The following NRG3 variants were observed in gnomAD, a reference collection of about 807,000 sequenced individuals.
The protein encoded by NRG3 is pro-neuregulin-3, membrane-bound isoform.
Under a neutral mutation model 66.9 loss-of-function variants are expected in NRG3, and 31 were observed. The ratio of observed to expected loss-of-function variants is 0.46; its 90% confidence interval spans 0.35 to 0.63. The LOEUF (loss-of-function observed/expected upper bound fraction) is 0.63. NRG3 is among the 20% of genes least tolerant of loss of function. The pLI is 0.00. For synonymous variants in NRG3, 393 were observed against 359.4 expected, an observed-to-expected ratio of 1.09 and a Z score of -1.06; for missense variants, 910 against 878.9, an observed-to-expected ratio of 1.04 and a Z score of -0.45.
At chr10:82,555,216 A>G (rs997243986) in intron 2 of NRG3, among the ~76,000 whole-genome samples, 3 of 152,150 alleles carry the variant, frequency 2.0e-5, no homozygotes, top group African/African-American at 7.2e-5. Flanking sequence ...CTGGTCTACA[A>G]TTATAATCAT....
chr10:82,193,641 T>C (rs139827838), intron 1 of NRG3, among the ~76,000 whole-genome samples: 5 of 152,240 alleles, frequency 3.3e-5, no homozygotes, highest in African/African-American at 1.2e-4. Flanking sequence ...TGGATTGCCA[T>C]TGCTGGTTGA....
At position 82,471,317 on chromosome 10, in the gene NRG3, C is replaced by A. The variant is rs772340929; in HGVS notation, c.953+112449C>A. Reference sequence around the variant, plus strand: ...CGGTCCGAACTTCCCACGGCTCCACCCCATTCTCCCAGTGTGCAGGCCTGT... The same window carrying A: ...CGGTCCGAACTTCCCACGGCTCCACACCATTCTCCCAGTGTGCAGGCCTGT... On this transcript the variant is annotated intron_variant, in intron 2 of 8. Coordinates refer to ENST00000372141, the MANE Select transcript of NRG3 (RefSeq NM_001010848.4). Among the ~76,000 whole-genome samples the A allele has an allele frequency of 2.6e-4, 40 of 152,216 alleles. 1 individual carries two copies. The highest frequency in any genetic ancestry group is 2.0e-3 in the Admixed American group (30 of 15,296).
At chr10:82,209,506 A>G (rs1341446799) in intron 1 of NRG3, among the ~76,000 whole-genome samples, 2 of 152,176 alleles carry the variant, frequency 1.3e-5, no homozygotes, top group Non-Finnish European at 2.9e-5. Context: ...TTTAATAACC[A>G]TCCCTATTTC....
chr10:82,051,614 A>T (rs764327574), intron 1 of NRG3, among the ~76,000 whole-genome samples: 1 of 152,158 alleles, frequency 6.6e-6, no homozygotes, highest in Non-Finnish European at 1.5e-5. Context: ...CTTGAAAAGA[A>T]TTATTTCAGT....
chr10:82,370,973 C>T (rs1295199033), intron 2 of NRG3, among the ~76,000 whole-genome samples: 1 of 151,968 alleles, frequency 6.6e-6, no homozygotes, highest in Non-Finnish European at 1.5e-5. Context: ...CACACACACA[C>T]ACATTCACAC....
chr10:82,183,641 A>C (rs1288923067), intron 1 of NRG3, among the ~76,000 whole-genome samples: 1 of 152,118 alleles, frequency 6.6e-6, no homozygotes, highest in Non-Finnish European at 1.5e-5. Flanking sequence ...TGTCTAATGC[A>C]GTGGTTCTCA....
intron 3 of NRG3, among the ~76,000 whole-genome samples, chr10:82,862,906 A>G (rs993693368): frequency 6.6e-5 from 10 of 152,108 alleles, no homozygotes; most frequent in South Asian, 2.1e-4. Context: ...GGTTTGTTAC[A>G]TAGGTATACA....
chr10:82,558,177 C>T (rs563996702), intron 2 of NRG3, among the ~76,000 whole-genome samples: 1 of 152,282 alleles, frequency 6.6e-6, no homozygotes, highest in East Asian at 1.9e-4. Context: ...TCGAGACTTT[C>T]ATGGTGGCTA....
chr10:82,638,419 G>A (rs1268454222), intron 2 of NRG3, among the ~76,000 whole-genome samples: 1 of 152,096 alleles, frequency 6.6e-6, no homozygotes, highest in Non-Finnish European at 1.5e-5. Context: ...GTGTCCCTGG[G>A]AATATTTTTG....
At chr10:81,961,839 A>G (rs922260305) in intron 1 of NRG3, among the ~76,000 whole-genome samples, 2 of 152,278 alleles carry the variant, frequency 1.3e-5, no homozygotes, top group Admixed American at 6.5e-5. Context: ...TCCCACAAGA[A>G]GCACTGTCAA....
chr10:82,216,118 A>G (rs1188027960), intron 1 of NRG3, among the ~76,000 whole-genome samples: 1 of 151,300 alleles, frequency 6.6e-6, no homozygotes, highest in Non-Finnish European at 1.5e-5. Flanking sequence ...GATTACAGGC[A>G]CACACTGCAC....
chr10:82,428,880 A>G (rs2089612212), intron 2 of NRG3, among the ~76,000 whole-genome samples: 1 of 151,916 alleles, frequency 6.6e-6, no homozygotes, highest in East Asian at 1.9e-4. Flanking sequence ...CATATATTTC[A>G]GTCTATGTTG....
rs139691750 is a variant in NRG3 at position 82,638,356 on chromosome 10, G to A, written c.954-100221G>A. Among the ~76,000 whole-genome samples the A allele has an allele frequency of 3.0e-4, 45 of 152,248 alleles. No homozygotes were observed. In the East Asian group the frequency reaches 7.9e-3, roughly 27 times the overall value. ...GATTAGGTGGATGAAATATTTTGGA[G>A]TTTGGTTTTGTTTTAAATGTAAATA... On this transcript the variant is annotated intron_variant, in intron 2 of 8. Coordinates refer to ENST00000372141, the MANE Select transcript of NRG3 (RefSeq NM_001010848.4).
intron 2 of NRG3, among the ~76,000 whole-genome samples, chr10:82,554,787 T>TA (rs1343725330): frequency 1.3e-5 from 2 of 152,224 alleles, no homozygotes; most frequent in Non-Finnish European, 2.9e-5. Context: ...AATTGGATCT[T>TA]GTGTAACCAC....
At chr10:82,039,340 C>A (rs1396340724) in intron 1 of NRG3, among the ~76,000 whole-genome samples, 1 of 151,992 alleles carries the variant, frequency 6.6e-6, no homozygotes, top group Non-Finnish European at 1.5e-5. Flanking sequence ...ATCAGAGAGC[C>A]TATTAGCCAT....
At chr10:82,608,828 C>G (rs1471849868) in intron 2 of NRG3, among the ~76,000 whole-genome samples, 1 of 152,068 alleles carries the variant, frequency 6.6e-6, no homozygotes, top group Non-Finnish European at 1.5e-5. Context: ...TCCCCTGCCC[C>G]CTGACTCACA....
intron 2 of NRG3, among the ~76,000 whole-genome samples, chr10:82,514,982 G>C (rs945732935): frequency 3.9e-5 from 6 of 152,058 alleles, no homozygotes. Context: ...ATGCCAAGTT[G>C]TTTTCCAAAG....
At chr10:82,916,411 T>C (rs1308128747) in intron 4 of NRG3, among the ~76,000 whole-genome samples, 1 of 152,154 alleles carries the variant, frequency 6.6e-6, no homozygotes, top group Admixed American at 6.5e-5. Context: ...ATACTTTCAT[T>C]ACTGTACTTC....
At chr10:82,335,015 T>C (rs3862550) in intron 1 of NRG3, among the ~76,000 whole-genome samples, 57,083 of 152,132 alleles carry the variant, frequency 0.38, 15,452 homozygotes, top group African/African-American at 0.75. Flanking sequence ...GGCTACTGCT[T>C]ACATTTCATC....
Sources: gnomAD v4.1 joint callset for allele counts (sites outside exome capture counted in the v4.1 genomes callset) on GRCh38, gnomAD v4.1.1 for gene constraint, MANE v1.5 for transcripts, NCBI Gene and HGNC (gene_info 2026-07-23, HGNC 2026-07-21) for gene names.